CRPPA: variants seen among roughly 807,000 people sequenced by gnomAD.
The protein encoded by CRPPA is CDP-L-ribitol pyrophosphorylase A, also known as D-ribitol-5-phosphate cytidylyltransferase.
In CRPPA, 43 loss-of-function variants were observed where a neutral mutation model predicts 52.0. That is an observed-to-expected ratio of 0.83 (90% CI 0.65 to 1.07). The LOEUF (loss-of-function observed/expected upper bound fraction) is 1.07, where lower values mean the gene tolerates loss of function less well. Ranked by LOEUF, CRPPA falls within the 50% of genes least tolerant of loss-of-function variation. The pLI is 0.00. For missense variants in CRPPA, 629 were observed against 551.7 expected (o/e 1.14, Z -1.40); for synonymous variants, 250 against 203.5 (o/e 1.23, Z -1.94).
At chr7:16,099,362 A>C (rs1355795394) in intron 9 of CRPPA, among the ~76,000 whole-genome samples, 2 of 122,158 alleles carry the variant, frequency 1.6e-5, no homozygotes, top group Non-Finnish European at 1.7e-5. Context: ...AGGGAAGGGG[A>C]GTGTAGAGGA....
At position 16,226,859 on chromosome 7, in the gene CRPPA, A is replaced by G. The variant is rs117174074; in HGVS notation, c.1120-10662T>C. Among the ~76,000 whole-genome samples the G allele has an allele frequency of 2.5e-3, 381 of 152,050 alleles. 3 individuals carry two copies. Among genetic ancestry groups the G allele is most frequent in the Non-Finnish European group, 4.7e-3 (320 of 67,836 alleles). ...AGTTTTTCAAGAACGTATTAATTGT[A>G]GTCAGACTGTACAATCAATCTTTTA... On this transcript the variant is annotated intron_variant, in intron 8 of 9. Transcript: ENST00000407010.
At chr7:16,419,880 T>C (rs1788285452) in intron 1 of CRPPA, among the ~76,000 whole-genome samples, 1 of 152,200 alleles carries the variant, frequency 6.6e-6, no homozygotes. Context: ...TTTTGAGTAA[T>C]AATTTGATAT....
chr7:16,270,542 T>C (rs1405151948), intron 6 of CRPPA: 2 of 152,180 alleles, frequency 1.3e-5, no homozygotes, highest in Admixed American at 1.3e-4. Context: ...GGAGTTTCTT[T>C]CCACCTCTGG....
intron 4 of CRPPA, among the ~76,000 whole-genome samples, chr7:16,307,760 C>A (rs1784943962): frequency 6.7e-6 from 1 of 149,438 alleles, no homozygotes; most frequent in African/African-American, 2.5e-5. Context: ...TAATTCCTCA[C>A]AGTGGGACAG....
In CRPPA at chr7:16,360,611, A is replaced by G. The variant is rs74906192; in HGVS notation, c.684+15481T>C. 3.7e-3 allele frequency among the ~76,000 whole-genome samples: 558 copies of G among 152,324 alleles called. 4 individuals carry two copies. The highest frequency in any genetic ancestry group is 0.013 in the African/African-American group (542 of 41,582). The stretch of plus-strand genomic sequence containing the variant: ...TCAAATAATTTTGACAAGGGTGCCA[A>G]GACCATTTAATGGACAAGAAACACT... On this transcript the variant is annotated intron_variant, in intron 3 of 9. Coordinates refer to ENST00000407010, the MANE Select transcript of CRPPA (RefSeq NM_001101426.4).
chr7:16,202,772 T>A (rs1462495756), intron 9 of CRPPA, among the ~76,000 whole-genome samples: 2 of 152,158 alleles, frequency 1.3e-5, no homozygotes, highest in African/African-American at 4.8e-5. Flanking sequence ...GAAAACAGTA[T>A]AAACAAACTA....
intron 2 of CRPPA, among the ~76,000 whole-genome samples, chr7:16,394,980 C>G (rs1029374040): frequency 2.0e-5 from 3 of 152,156 alleles, no homozygotes; most frequent in African/African-American, 7.2e-5. Flanking sequence ...AACAAACATG[C>G]AATGAAACCT....
At chr7:16,384,803 G>A (rs1451492322) in intron 2 of CRPPA, among the ~76,000 whole-genome samples, 3 of 148,854 alleles carry the variant, frequency 2.0e-5, no homozygotes, top group African/African-American at 7.3e-5. Flanking sequence ...ATCCTCCAGG[G>A]ATGGGGTGGG....
intron 8 of CRPPA, among the ~76,000 whole-genome samples, chr7:16,236,145 G>T (rs1000057529): frequency 6.6e-6 from 1 of 152,030 alleles, no homozygotes; most frequent in Admixed American, 6.6e-5. Flanking sequence ...TTTGATAGTT[G>T]AGGAAACAAC....
At chr7:16,297,491 T>G (rs1245198551) in intron 5 of CRPPA, among the ~76,000 whole-genome samples, 1 of 152,206 alleles carries the variant, frequency 6.6e-6, no homozygotes, top group African/African-American at 2.4e-5. Flanking sequence ...AAACTGCAGC[T>G]GCATCTGTTA....
chr7:16,227,885 T>G (rs1782692417), intron 8 of CRPPA, among the ~76,000 whole-genome samples: 1 of 151,944 alleles, frequency 6.6e-6, no homozygotes, highest in Admixed American at 6.6e-5. Flanking sequence ...AATCTTACAT[T>G]TAAATCCCTA....
intron 9 of CRPPA, among the ~76,000 whole-genome samples, chr7:16,142,394 T>C (rs1782890874): frequency 1.3e-5 from 2 of 152,232 alleles, no homozygotes; most frequent in South Asian, 4.1e-4. Flanking sequence ...CCACACTTAA[T>C]GTGAAACAGT....
At chr7:16,226,101 A>G (rs1206931369) in intron 8 of CRPPA, among the ~76,000 whole-genome samples, 3 of 151,960 alleles carry the variant, frequency 2.0e-5, no homozygotes, top group African/African-American at 7.2e-5. Context: ...AGTCTTGGTA[A>G]TTAGTAATTA....
Position 16,406,098 on chromosome 7 carries a change from A to T in CRPPA, c.497T>A (p.Val166Asp), listed in dbSNP as rs2128318424. The T allele has an allele frequency of 6.2e-7, 1 of 1,613,866 alleles. No homozygotes were observed. The highest frequency in any genetic ancestry group is 1.1e-5 in the South Asian group (1 of 91,068). Residue 166 changes from valine (V) to aspartate (D), a missense_variant, in exon 2 of 10, where the codon GTC (valine) becomes GAC (aspartate). By Grantham distance (152) the Val-to-Asp change is radical. Coordinates refer to ENST00000407010, the MANE Select transcript of CRPPA (RefSeq NM_001101426.4). ...DAVRPFVEEG[V>D]LLKVVTAAKE... is the part of the protein sequence containing the mutation. ...AGCAGCTGTGACAACTTTAAGAAGG[A>T]CACCTTCCTCAACAAATGGTCTCAC...
intron 3 of CRPPA, among the ~76,000 whole-genome samples, chr7:16,370,769 C>T (rs1369551049): frequency 2.0e-5 from 3 of 152,080 alleles, no homozygotes; most frequent in Non-Finnish European, 4.4e-5. Flanking sequence ...GGTCCTTGTC[C>T]TCTGCCCTCC....
intron 9 of CRPPA, among the ~76,000 whole-genome samples, chr7:16,128,892 C>T (rs1366630671): frequency 6.6e-6 from 1 of 152,004 alleles, no homozygotes; most frequent in Non-Finnish European, 1.5e-5. Flanking sequence ...CAAATGATCC[C>T]AATAACAGAA....
chr7:16,266,209 T>G (rs1013992751), intron 6 of CRPPA: 2 of 152,198 alleles, frequency 1.3e-5, no homozygotes, highest in Non-Finnish European at 2.9e-5. Context: ...AGAAGTGTCC[T>G]CCAATTTCAA....
chr7:16,217,593 TA>T (rs1782365755), intron 8 of CRPPA, among the ~76,000 whole-genome samples: 1 of 144,238 alleles, frequency 6.9e-6, no homozygotes, highest in African/African-American at 2.6e-5. Context: ...GAGAAGTGCT[TA>T]AAGGAGCTGA....
intron 2 of CRPPA, among the ~76,000 whole-genome samples, chr7:16,402,891 T>C (rs951355855): frequency 2.0e-5 from 3 of 152,156 alleles, no homozygotes; most frequent in Non-Finnish European, 4.4e-5. Context: ...TAGATAATTA[T>C]TCAGATTTTT....
Sources: allele counts gnomAD v4.1 joint callset (sites outside exome capture counted in the v4.1 genomes callset), GRCh38; gene constraint gnomAD v4.1.1; transcripts MANE v1.5; gene names NCBI Gene and HGNC (gene_info 2026-07-23, HGNC 2026-07-21).